ALK: variants seen among roughly 807,000 people sequenced by gnomAD.
ALK encodes ALK tyrosine kinase receptor.
In ALK, 74 loss-of-function variants were observed where a neutral mutation model predicts 163.1. The ratio of observed to expected loss-of-function variants is 0.45; its 90% CI spans 0.38 to 0.55. ALK has a LOEUF of 0.55. Among genes scored for constraint, ALK ranks in the 20% least tolerant of loss-of-function variants. The pLI, the probability that ALK is intolerant of heterozygous loss-of-function variation, is 0.00. For synonymous variants in ALK, 960 were observed against 843.2 expected, an observed-to-expected ratio of 1.14 and a Z score of -2.40; for missense variants, 2,063 against 2,105.3, an observed-to-expected ratio of 0.98 and a Z score of 0.39.
intron 5 of ALK, among the ~76,000 whole-genome samples, chr2:29,360,810 G>A (rs1165918285): frequency 6.6e-6 from 1 of 152,210 alleles, no homozygotes; most frequent in African/African-American, 2.4e-5. Flanking sequence ...GTGCTTTCTA[G>A]TTGGTATTTA....
At chr2:29,467,428 A>AT (rs1266828325) in intron 4 of ALK, among the ~76,000 whole-genome samples, 1 of 152,118 alleles carries the variant, frequency 6.6e-6, no homozygotes, top group African/African-American at 2.4e-5. Context: ...ACTATTTTAG[A>AT]TTTTTCAGTT....
intron 11 of ALK, among the ~76,000 whole-genome samples, chr2:29,251,984 A>G (rs534235194): frequency 4.3e-4 from 65 of 152,340 alleles, no homozygotes; most frequent in African/African-American, 1.5e-3. Context: ...TGGAAATGCA[A>G]CGAAGACAGC....
chr2:29,393,270 C>G (rs1374280646), intron 4 of ALK, among the ~76,000 whole-genome samples: 1 of 152,186 alleles, frequency 6.6e-6, no homozygotes. Flanking sequence ...TCTGTCTGAC[C>G]TTCTCTTCCC....
chr2:29,405,035 G>A (rs1397890194), intron 4 of ALK, among the ~76,000 whole-genome samples: 3 of 152,210 alleles, frequency 2.0e-5, no homozygotes, highest in Non-Finnish European at 2.9e-5. Context: ...AGTAGTTCAA[G>A]TTTAAAAGAA....
intron 1 of ALK, among the ~76,000 whole-genome samples, chr2:29,820,795 G>A (rs143069492): frequency 2.4e-4 from 36 of 152,348 alleles, no homozygotes; most frequent in African/African-American, 8.4e-4. Flanking sequence ...GAAGTGATGT[G>A]ATGTTGGAGA....
chr2:29,757,023 G>C (rs1160080376), intron 1 of ALK, among the ~76,000 whole-genome samples: 1 of 152,236 alleles, frequency 6.6e-6, no homozygotes. Context: ...GGGCTAGAGA[G>C]AGAGCAGGAA....
chr2:29,688,911 AAATGCC>A (rs1678312806), intron 3 of ALK, among the ~76,000 whole-genome samples: 1 of 152,208 alleles, frequency 6.6e-6, no homozygotes, highest in Non-Finnish European at 1.5e-5. Context: ...TGTGGGCCAT[AAATGCC>A]GGACTTGAAG....
rs1187514751 is a variant in ALK, at chr2:29,328,347, C to T, written c.1414+3G>A. The T allele has an allele frequency of 1.2e-6, 2 of 1,614,126 alleles. No individual in the cohort carries two copies. The highest frequency in any genetic ancestry group is 1.7e-6 in the Non-Finnish European group (2 of 1,180,000). On this transcript the variant is annotated splice_donor_region_variant and intron_variant, in intron 6 of 28. Transcript: ENST00000389048. ...GCAGGGTGGGGCAGCCCCATCTACT[C>T]ACGGCACATCTGGCTCTCATCTTCT...
intron 5 of ALK, among the ~76,000 whole-genome samples, chr2:29,335,727 G>A (rs1667591658): frequency 1.3e-5 from 2 of 152,096 alleles, no homozygotes; most frequent in Non-Finnish European, 2.9e-5. Flanking sequence ...ATCTCTGGAG[G>A]ATAGACTCTT....
At chr2:29,565,146 G>T (rs1674143600) in intron 3 of ALK, among the ~76,000 whole-genome samples, 1 of 152,242 alleles carries the variant, frequency 6.6e-6, no homozygotes, top group Non-Finnish European at 1.5e-5. Context: ...GGGTCATGAA[G>T]TGACATTGCC....
chr2:29,316,048 C>T (rs1316790531), intron 8 of ALK, among the ~76,000 whole-genome samples: 1 of 152,162 alleles, frequency 6.6e-6, no homozygotes, highest in Non-Finnish European at 1.5e-5. Flanking sequence ...CACATAGTCC[C>T]CCAGAGAAAT....
chr2:29,879,220 G>A (rs2148417282), intron 1 of ALK, among the ~76,000 whole-genome samples: 1 of 152,246 alleles, frequency 6.6e-6, no homozygotes, highest in Non-Finnish European at 1.5e-5. Context: ...CCCCCAAGCA[G>A]TTTTCTTGGA....
At chr2:29,198,646 C>T (rs1669083002) in intron 26 of ALK, among the ~76,000 whole-genome samples, 1 of 152,152 alleles carries the variant, frequency 6.6e-6, no homozygotes, top group Admixed American at 6.5e-5. Flanking sequence ...TCTACCAGCA[C>T]CATGTAAAAG....
chr2:29,223,153 A>G (rs1310839708), intron 20 of ALK, among the ~76,000 whole-genome samples, 189 bp downstream of exon 20: 3 of 152,124 alleles, frequency 2.0e-5, no homozygotes, highest in African/African-American at 7.2e-5. Flanking sequence ...AACTCCATAA[A>G]CTATGGGAGT....
At chr2:29,463,819 C>T (rs1251825331) in intron 4 of ALK, among the ~76,000 whole-genome samples, 2 of 152,114 alleles carry the variant, frequency 1.3e-5, no homozygotes, top group African/African-American at 4.8e-5. Context: ...TACCACCGGG[C>T]AAGGAAAGCA....
intron 9 of ALK, among the ~76,000 whole-genome samples, chr2:29,278,921 G>A (rs992491802): frequency 1.3e-5 from 2 of 152,196 alleles, no homozygotes; most frequent in African/African-American, 4.8e-5. Context: ...AGCTATATGA[G>A]GGGTGTACCT....
chr2:29,409,786 C>G (rs1216279041), intron 4 of ALK, among the ~76,000 whole-genome samples: 1 of 152,194 alleles, frequency 6.6e-6, no homozygotes, highest in African/African-American at 2.4e-5. Context: ...CACCTGCCTT[C>G]TTGCTCCCTT....
intron 3 of ALK, among the ~76,000 whole-genome samples, chr2:29,646,044 C>G (rs998067210): frequency 1.6e-4 from 25 of 152,248 alleles, no homozygotes; most frequent in African/African-American, 6.0e-4. Flanking sequence ...GACCACTGCC[C>G]TGAGATCCAG....
chr2:29,291,449 T>C (rs1468369380), intron 9 of ALK, among the ~76,000 whole-genome samples: 1 of 152,178 alleles, frequency 6.6e-6, no homozygotes, highest in African/African-American at 2.4e-5. Flanking sequence ...CATGCATCAC[T>C]TCCTCAGGCA....
Sources: allele counts gnomAD v4.1 joint callset (sites outside exome capture counted in the v4.1 genomes callset), GRCh38; gene constraint gnomAD v4.1.1; transcripts MANE v1.5; gene names NCBI Gene and HGNC (gene_info 2026-07-23, HGNC 2026-07-21).